Variants in TOMM7 observed in about 807,000 individuals in gnomAD.
TOMM7 encodes translocase of outer mitochondrial membrane 7.
TOMM7 carries 8 observed loss-of-function variants against 9.5 expected under a neutral mutation model. The observed-to-expected ratio is 0.84, with a 90% CI of 0.49 to 1.51. The LOEUF is 1.51. Ranked by LOEUF, TOMM7 falls within the 40% of genes most tolerant of loss-of-function variation. TOMM7 has a pLI of 0.00. For synonymous variants in TOMM7, 27 were observed against 21.4 expected (o/e 1.26, Z -0.72); for missense variants, 74 against 63.7 (o/e 1.16, Z -0.55).
At chr7:22,819,231 T>C (rs1269503060) in intron 1 of TOMM7, among the ~76,000 whole-genome samples, 1 of 152,080 alleles carries the variant, frequency 6.6e-6, no homozygotes, top group Non-Finnish European at 1.5e-5. Flanking sequence ...TTTTATCTTA[T>C]TTAAAAGATA....
intron 2 of TOMM7, among the ~76,000 whole-genome samples, chr7:22,816,046 T>A (rs1233853506): frequency 6.6e-6 from 1 of 152,182 alleles, no homozygotes; most frequent in Non-Finnish European, 1.5e-5. Flanking sequence ...GGACTTAGCA[T>A]GCAGTATCAT....
At chr7:22,821,653 G>A (rs1782393097) in intron 1 of TOMM7, among the ~76,000 whole-genome samples, 1 of 151,942 alleles carries the variant, frequency 6.6e-6, no homozygotes. Context: ...GGGAGGCTAA[G>A]GGGGAAGGAT....
At chr7:22,822,484 C>T (rs930088125) in intron 1 of TOMM7, 193 bp downstream of exon 1, 3 of 701,474 alleles carry the variant, frequency 4.3e-6, no homozygotes, top group Non-Finnish European at 4.8e-6. Flanking sequence ...TGCTTAAAGA[C>T]CATGCAACTA....
chr7:22,817,685 C>T (rs986557737), intron 2 of TOMM7: 9 of 232,722 alleles, frequency 3.9e-5, no homozygotes, highest in East Asian at 1.0e-4. Context: ...CTTGTCAGAG[C>T]GATATAAAAG....
intron 1 of TOMM7, among the ~76,000 whole-genome samples, chr7:22,819,043 T>G (rs1583463795): frequency 6.6e-6 from 1 of 152,250 alleles, no homozygotes; most frequent in East Asian, 1.9e-4. Context: ...CGGCAGGGGA[T>G]GGATCATCCA....
intron 2 of TOMM7, among the ~76,000 whole-genome samples, chr7:22,813,953 A>G (rs1782283918): frequency 6.7e-6 from 1 of 149,466 alleles, no homozygotes; most frequent in African/African-American, 2.5e-5. Flanking sequence ...TGTGCCTAAG[A>G]AGAAAACACA....
chr7:22,818,021 A>G lies in TOMM7; in HGVS notation c.131T>C (p.Met44Thr), dbSNP rs1782338926. The G allele has an allele frequency of 6.2e-7, 1 of 1,614,042 alleles. No individual in the cohort carries two copies. The highest frequency in any genetic ancestry group is 8.5e-7 in the Non-Finnish European group (1 of 1,179,998). ...LGFKRGADPG[M>T]PEPTVLSLLW... ...GTACCTCAAAACAGTTGGTTCAGGC[A>G]TTCCGGGATCTGCACCCCTCTTAAA... The change falls in exon 2 of 3, where the codon ATG becomes ACG. Residue 44 changes from methionine (M) to threonine (T), a missense_variant. Physicochemically the swap from Met to Thr is moderately conservative, Grantham distance 81 (BLOSUM62 -1). Coordinates refer to ENST00000358435, the MANE Select transcript of TOMM7 (RefSeq NM_019059.5).
intron 2 of TOMM7, 86 bp from the exon 3 acceptor site, chr7:22,813,271 C>G (rs1782272005): frequency 2.4e-6 from 3 of 1,235,014 alleles, no homozygotes; most frequent in Non-Finnish European, 3.4e-6. Flanking sequence ...AAATTTTATA[C>G]ATTTATGTTT....
intron 2 of TOMM7, among the ~76,000 whole-genome samples, chr7:22,816,987 C>T (rs2286503): frequency 0.48 from 72,896 of 152,018 alleles, 19,261 homozygotes; most frequent in East Asian, 0.82. Context: ...AACATGGCTT[C>T]GAGTAAAAGT....
chr7:22,820,296 G>A (rs1165269518), intron 1 of TOMM7, among the ~76,000 whole-genome samples: 2 of 152,162 alleles, frequency 1.3e-5, no homozygotes, highest in Non-Finnish European at 2.9e-5. Context: ...ATTGAATGTT[G>A]GGGTGAAAAT....
Position 22,817,911 on chromosome 7 carries a change from G to T in TOMM7, c.152+89C>A, listed in dbSNP as rs1018175800. ...ACTGACTGATAAAGCTCCATTTCAAGGCCTGCCACTATTACTCTTTTACAT... is the reference window on the plus strand; with the variant it reads ...ACTGACTGATAAAGCTCCATTTCAATGCCTGCCACTATTACTCTTTTACAT... On this transcript the variant is annotated intron_variant, in intron 2 of 2. Transcript: ENST00000358435. The T allele has an allele frequency of 9.3e-6, 12 of 1,288,084 alleles. No individual in the cohort carries two copies. In the Admixed American group the frequency reaches 2.1e-4, roughly 23 times the overall value. The allele number at this position is 1,288,084 out of a possible 1,614,324, so 79.8% of individuals were successfully genotyped here. A position where few individuals can be genotyped will look rare whatever the true frequency, so the allele number is the denominator to read the frequency against.
chr7:22,822,323 G>A, intron 1 of TOMM7: 4 of 1,507,524 alleles, frequency 2.7e-6, no homozygotes, highest in South Asian at 1.3e-5. Flanking sequence ...CACATGGAGC[G>A]GTGAGGAAAA....
chr7:22,822,714 G>A lies in TOMM7; in HGVS notation c.66C>T (p.Ala22=), dbSNP rs746935829. 6.2e-7 allele frequency: 1 copy of A among 1,614,184 alleles called. No homozygotes were observed. Residue 22 remains alanine (A), a synonymous_variant, in exon 1 of 3, where the codon GCC becomes GCT. Coordinates refer to ENST00000358435, the MANE Select transcript of TOMM7 (RefSeq NM_019059.5). ...LQQLFKGSQF[A]IRWGFIPLVI... is the part of the protein sequence containing the mutation. ...CAAGAGGGATAAAGCCCCAGCGAAT[G>A]GCAAACTGGCTCCCCTTGAAGAGCT... is the stretch of plus-strand genomic sequence containing the variant.
chr7:22,821,642 C>A (rs1301302533), intron 1 of TOMM7, among the ~76,000 whole-genome samples: 1 of 151,458 alleles, frequency 6.6e-6, no homozygotes, highest in South Asian at 2.1e-4. Context: ...CACAGCTACT[C>A]GGGAGGCTAA....
intron 1 of TOMM7, among the ~76,000 whole-genome samples, chr7:22,818,901 C>T (rs1306150541): frequency 1.3e-5 from 2 of 151,798 alleles, no homozygotes; most frequent in Non-Finnish European, 2.9e-5. Flanking sequence ...CGTGAACCAC[C>T]ATGCCTGGAG....
chr7:22,821,334 C>T (rs1782386674), intron 1 of TOMM7, among the ~76,000 whole-genome samples: 1 of 151,180 alleles, frequency 6.6e-6, no homozygotes. Context: ...GGCGAGAACC[C>T]GGGAGGCGGA....
chr7:22,815,414 G>A (rs374997439), intron 2 of TOMM7, among the ~76,000 whole-genome samples: 82 of 151,898 alleles, frequency 5.4e-4, no homozygotes, highest in African/African-American at 2.0e-3. Flanking sequence ...CCACCAAGAC[G>A]GCCAGGTGCT....
At position 22,818,031 on chromosome 7, in the gene TOMM7, C is replaced by A. The variant is rs750797740; in HGVS notation, c.121G>T (p.Asp41Tyr). 1 of 1,613,944 alleles carries A rather than the reference C, an allele frequency of 6.2e-7. No individual in the cohort carries two copies. Among genetic ancestry groups the A allele is most frequent in the Non-Finnish European group, 8.5e-7 (1 of 1,179,952 alleles). The change falls in exon 2 of 3, where the codon GAT (aspartate) becomes TAT (tyrosine). Residue 41 changes from aspartate (D) to tyrosine (Y), a missense_variant. Physicochemically the swap from Asp to Tyr is radical, Grantham distance 160. Coordinates refer to ENST00000358435, the MANE Select transcript of TOMM7 (RefSeq NM_019059.5). The part of the protein sequence containing the change: ...VIYLGFKRGA[D>Y]PGMPEPTVLS... ...ACAGTTGGTTCAGGCATTCCGGGAT[C>A]TGCACCCCTCTTAAATCCTGAATCA... is the stretch of plus-strand genomic sequence containing the variant.
rs1306526540 is a variant in TOMM7, at chr7:22,813,112, C to G, written c.*58G>C. The G allele has an allele frequency of 6.3e-7, 1 of 1,593,010 alleles. No homozygotes were observed. Among genetic ancestry groups the G allele is most frequent in the Admixed American group, 1.7e-5 (1 of 59,960 alleles). Reference sequence around the variant, plus strand: ...GTCCCATCTCTTATCCGAGCCAGAGCACACATCTTCCATGCTGTCCGCTGA... The same window carrying G: ...GTCCCATCTCTTATCCGAGCCAGAGGACACATCTTCCATGCTGTCCGCTGA... On this transcript the variant is annotated 3_prime_UTR_variant, in exon 3 of 3. Transcript: ENST00000358435.
Sources: gnomAD v4.1 joint callset for allele counts (sites outside exome capture counted in the v4.1 genomes callset) on GRCh38, gnomAD v4.1.1 for gene constraint, MANE v1.5 for transcripts, NCBI Gene and HGNC (gene_info 2026-07-23, HGNC 2026-07-21) for gene names.